CAST: variants seen among roughly 807,000 people sequenced by gnomAD.
CAST encodes the protein calpastatin.
A neutral mutation model predicts 119.6 loss-of-function variants in CAST; 76 were observed. That is an observed-to-expected ratio of 0.64 (90% CI 0.53 to 0.77). The LOEUF is 0.77. Among genes scored for constraint, CAST ranks in the 30% least tolerant of loss-of-function variants. CAST has a pLI of 0.00. For missense variants in CAST, 953 were observed against 946.5 expected, an observed-to-expected ratio of 1.01 and a Z score of -0.09; for synonymous variants, 319 against 331.6, an observed-to-expected ratio of 0.96 and a Z score of 0.41.
chr5:96,337,656 C>T, the CAST span, among the ~76,000 whole-genome samples: 2 of 152,174 alleles, frequency 1.3e-5, no homozygotes, highest in Non-Finnish European at 2.9e-5. Flanking sequence ...TTATGATGCT[C>T]ACTTCTGTGG....
chr5:96,107,815 G>A, the CAST span, among the ~76,000 whole-genome samples: 2 of 152,220 alleles, frequency 1.3e-5, no homozygotes, highest in South Asian at 2.1e-4. Flanking sequence ...ATCCTGCAGA[G>A]TGTTTTCCAA....
the CAST span, among the ~76,000 whole-genome samples, chr5:96,367,256 G>T: frequency 6.6e-6 from 1 of 152,046 alleles, no homozygotes; most frequent in Non-Finnish European, 1.5e-5. Flanking sequence ...CTCCCAGTTA[G>T]GCTACTCGGG....
At chr5:96,517,307 T>A in the CAST span, among the ~76,000 whole-genome samples, 1 of 152,230 alleles carries the variant, frequency 6.6e-6, no homozygotes, top group Non-Finnish European at 1.5e-5. Context: ...TCACTTCATT[T>A]TCTCTCCCAT....
chr5:96,542,308 C>CA (rs759173589), intron 1 of CAST, among the ~76,000 whole-genome samples: 218 of 37,060 alleles, frequency 5.9e-3, no homozygotes, highest in African/African-American at 0.012. Flanking sequence ...GACTTAGTCT[C>CA]AAAAAAAAAA....
the CAST span, among the ~76,000 whole-genome samples, chr5:96,419,395 T>G: frequency 1.3e-5 from 2 of 148,444 alleles, no homozygotes; most frequent in Non-Finnish European, 1.5e-5. Flanking sequence ...TATATATATA[T>G]ATATAAACTC....
intron 1 of CAST, among the ~76,000 whole-genome samples, chr5:96,643,744 G>T (rs916715365): frequency 6.6e-6 from 1 of 152,018 alleles, no homozygotes; most frequent in Non-Finnish European, 1.5e-5. Context: ...GTGGTGGCGC[G>T]CACCTGTAAT....
chr5:96,641,890 G>A (rs1057476873), intron 1 of CAST, among the ~76,000 whole-genome samples: 3 of 152,140 alleles, frequency 2.0e-5, no homozygotes, highest in African/African-American at 7.2e-5. Context: ...TAAAGCCCAG[G>A]ATCCTCACAG....
chr5:96,175,836 T>C, the CAST span, among the ~76,000 whole-genome samples: 4 of 152,246 alleles, frequency 2.6e-5, no homozygotes, highest in Non-Finnish European at 5.9e-5. Flanking sequence ...TAATACATCC[T>C]GGTTATTTTT....
chr5:96,645,290 G>T (rs1362432331), intron 1 of CAST, among the ~76,000 whole-genome samples: 1 of 152,090 alleles, frequency 6.6e-6, no homozygotes, highest in African/African-American at 2.4e-5. Flanking sequence ...CGGCCTTCTT[G>T]TCACATTCCA....
At chr5:96,457,636 C>T in the CAST span, among the ~76,000 whole-genome samples, 4 of 152,218 alleles carry the variant, frequency 2.6e-5, no homozygotes, top group African/African-American at 9.7e-5. Context: ...CTTCTTCCCA[C>T]CTGCACACTT....
chr5:96,616,024 C>T (rs1747449741), intron 1 of CAST, among the ~76,000 whole-genome samples: 1 of 152,132 alleles, frequency 6.6e-6, no homozygotes. Context: ...CCAGTCTAGT[C>T]TTTTCACGTT....
chr5:96,501,476 G>A, the CAST span, among the ~76,000 whole-genome samples: 7 of 152,170 alleles, frequency 4.6e-5, no homozygotes, highest in Non-Finnish European at 1.0e-4. Context: ...ACTAGGGATA[G>A]AAATGGTAAC....
chr5:96,736,442 AC>A (rs543793041), intron 10 of CAST, among the ~76,000 whole-genome samples: 25 of 147,176 alleles, frequency 1.7e-4, no homozygotes, highest in African/African-American at 5.6e-4. Flanking sequence ...TGCTATTATA[AC>A]CCCTTTTTTA....
chr5:96,619,956 CAA>C (rs1409046741), intron 1 of CAST, among the ~76,000 whole-genome samples: 1 of 152,222 alleles, frequency 6.6e-6, no homozygotes, highest in African/African-American at 2.4e-5. Flanking sequence ...TCTCCAAGCT[CAA>C]GTTTCCACTT....
At chr5:96,136,957 C>T in the CAST span, among the ~76,000 whole-genome samples, 4 of 152,200 alleles carry the variant, frequency 2.6e-5, no homozygotes, top group Non-Finnish European at 4.4e-5. Context: ...TGTCCCCACT[C>T]CTTTCTGTGA....
the CAST span, among the ~76,000 whole-genome samples, chr5:96,020,365 G>A: frequency 2.0e-5 from 3 of 152,202 alleles, no homozygotes; most frequent in African/African-American, 4.8e-5. Flanking sequence ...TAAACCAGTT[G>A]TAAATAAATA....
At chr5:95,961,499 C>A in the CAST span, 1 of 1,366,402 alleles carries the variant, frequency 7.3e-7, no homozygotes, top group Admixed American at 3.8e-5. Flanking sequence ...TCCGCCGGCC[C>A]CGCACCCGGG....
the CAST span, among the ~76,000 whole-genome samples, chr5:96,108,788 C>G: frequency 1.3e-5 from 2 of 152,270 alleles, no homozygotes; most frequent in African/African-American, 2.4e-5. Context: ...TTTACCTAAG[C>G]AAGCCTGGGC....
intron 25 of CAST, among the ~76,000 whole-genome samples, chr5:96,764,128 T>G (rs1161543064): frequency 6.6e-6 from 1 of 152,226 alleles, no homozygotes; most frequent in Non-Finnish European, 1.5e-5. Context: ...CACATTTTAA[T>G]TGAATTCATT....
Sources: gnomAD v4.1 joint callset for allele counts (sites outside exome capture counted in the v4.1 genomes callset) on GRCh38, gnomAD v4.1.1 for gene constraint, MANE v1.5 for transcripts, NCBI Gene and HGNC (gene_info 2026-07-23, HGNC 2026-07-21) for gene names.